FRAS1: variants seen among roughly 807,000 people sequenced by gnomAD.
The protein encoded by FRAS1 is Fraser extracellular matrix complex subunit 1.
A neutral mutation model predicts 435.2 loss-of-function variants in FRAS1; 290 were observed. The observed-to-expected ratio is 0.67, with a 90% confidence interval of 0.61 to 0.73. FRAS1 has a LOEUF of 0.73. Among genes scored for constraint, FRAS1 ranks in the 30% least tolerant of loss-of-function variants. The pLI is 0.00. For missense variants in FRAS1, 4,860 were observed against 5,001.5 expected (o/e 0.97, Z 0.85); for synonymous variants, 1,800 against 1,851.0 (o/e 0.97, Z 0.71).
At chr4:78,272,942 T>C (rs1726787736) in intron 9 of FRAS1, among the ~76,000 whole-genome samples, 1 of 152,230 alleles carries the variant, frequency 6.6e-6, no homozygotes, top group Non-Finnish European at 1.5e-5. Context: ...TTCCTATCCA[T>C]GAGCATGGAA....
chr4:78,274,047 G>A (rs557574543), intron 9 of FRAS1, among the ~76,000 whole-genome samples: 5 of 152,172 alleles, frequency 3.3e-5, no homozygotes, highest in Non-Finnish European at 7.4e-5. Context: ...TCTTGGGAGG[G>A]TGTATGTGTC....
At chr4:78,240,098 G>C (rs1237906860) in intron 3 of FRAS1, among the ~76,000 whole-genome samples, 1 of 152,086 alleles carries the variant, frequency 6.6e-6, no homozygotes, top group African/African-American at 2.4e-5. Flanking sequence ...GAGAGATGAG[G>C]CTAGAAAGTT....
chr4:78,472,123 TCTTG>T, intron 51 of FRAS1, 53 bp from the exon 52 acceptor site: 1 of 1,536,502 alleles, frequency 6.5e-7, no homozygotes, highest in South Asian at 1.1e-5. Context: ...AGTCAGAGGG[TCTTG>T]TTCCTGCTTT....
intron 9 of FRAS1, among the ~76,000 whole-genome samples, chr4:78,270,900 T>G (rs1466888042): frequency 1.3e-5 from 2 of 152,184 alleles, no homozygotes; most frequent in African/African-American, 4.8e-5. Context: ...ACATGAAATT[T>G]TGATGGACAG....
At chr4:78,287,120 G>A (rs553422275) in intron 14 of FRAS1, among the ~76,000 whole-genome samples, 2 of 152,160 alleles carry the variant, frequency 1.3e-5, no homozygotes, top group South Asian at 4.1e-4. Context: ...CAAAGGGGAA[G>A]CAAGATACGT....
At chr4:78,518,442 A>ATTTATTTATT (rs1195961402) in intron 66 of FRAS1, among the ~76,000 whole-genome samples, 1 of 66,878 alleles carries the variant, frequency 1.5e-5, no homozygotes, top group African/African-American at 4.6e-5. Context: ...ATATATATAT[A>ATTTATTTATT]TATATATATA....
chr4:78,320,387 C>G (rs1374178553), intron 18 of FRAS1, among the ~76,000 whole-genome samples: 1 of 152,128 alleles, frequency 6.6e-6, no homozygotes, highest in Non-Finnish European at 1.5e-5. Flanking sequence ...TGATGTGGCT[C>G]TTTCCTTAGG....
chr4:78,540,868 G>T lies in FRAS1; in HGVS notation c.11783G>T (p.Arg3928Met). Residue 3928 changes from arginine (R) to methionine (M), a missense_variant, in exon 74 of 74, where the codon AGG becomes ATG. By Grantham distance (91) the Arg-to-Met change is moderately conservative. Transcript: ENST00000512123. The part of the protein sequence containing the change: ...LVFLVACFIN[R>M]KCQKQRKKKP... ...TTTTTGGTGGCTTGTTTTATCAACA[G>T]GAAATGCCAGAAACAGAGGAAGAAG... 1 of 1,613,970 alleles carries T rather than the reference G, an allele frequency of 6.2e-7. No homozygotes were observed. Among genetic ancestry groups the T allele is most frequent in the South Asian group, 1.1e-5 (1 of 91,080 alleles).
intron 64 of FRAS1, among the ~76,000 whole-genome samples, 166 bp from the exon 65 acceptor site, chr4:78,513,226 A>G (rs1160375851): frequency 6.6e-6 from 1 of 152,206 alleles, no homozygotes; most frequent in African/African-American, 2.4e-5. Context: ...TACTATGTGT[A>G]TATGTATACC....
rs143503510 is a variant in FRAS1 at position 78,407,839 on chromosome 4, G to C, written c.4306G>C (p.Glu1436Gln). 18 of 1,592,556 alleles carry C rather than the reference G, an allele frequency of 1.1e-5. No homozygotes were observed. The East Asian group carries it at 3.9e-4, about 34-fold the overall frequency. ...AGCCCAGAGCGACTCCTTCCGCTTC[G>C]AGGTACCCTCTGCTTCCTGACTTTT... ...APAQSDSFRF[E>Q]VSSASNAQTR... Residue 1436 changes from glutamate to glutamine, a missense_variant and splice_region_variant, in exon 31 of 74, where the codon GAG (glutamate) becomes CAG (glutamine). By Grantham distance (29) the Glu-to-Gln change is conservative (BLOSUM62 2). Transcript: ENST00000512123.
chr4:78,432,213 T>C (rs193094571), intron 37 of FRAS1, 144 bp from the exon 38 acceptor site: 7 of 641,052 alleles, frequency 1.1e-5, no homozygotes, highest in Admixed American at 1.0e-4. Context: ...GGGAATCCTA[T>C]AGTAGGTGAG....
chr4:78,321,504 C>G (rs1446005307), intron 18 of FRAS1, among the ~76,000 whole-genome samples: 1 of 152,166 alleles, frequency 6.6e-6, no homozygotes, highest in Non-Finnish European at 1.5e-5. Flanking sequence ...ACATCCTTGA[C>G]AAAGGGAAGG....
chr4:78,303,497 A>T (rs1728533602), intron 14 of FRAS1, among the ~76,000 whole-genome samples: 1 of 152,156 alleles, frequency 6.6e-6, no homozygotes, highest in South Asian at 2.1e-4. Context: ...TGAGCATGGA[A>T]TGTTCTTCCA....
intron 2 of FRAS1, among the ~76,000 whole-genome samples, chr4:78,165,500 T>C (rs1034863540): frequency 9.2e-5 from 14 of 152,220 alleles, no homozygotes; most frequent in Non-Finnish European, 1.8e-4. Context: ...CCACTTACTC[T>C]TCTGTAAAAT....
chr4:78,409,819 T>A (rs780502229), intron 31 of FRAS1, among the ~76,000 whole-genome samples: 5 of 152,168 alleles, frequency 3.3e-5, no homozygotes, highest in Admixed American at 6.5e-5. Context: ...CAGGTGGGGC[T>A]GAACTCACCC....
At chr4:78,505,202 T>C (rs1369697051) in intron 61 of FRAS1, among the ~76,000 whole-genome samples, 1 of 152,176 alleles carries the variant, frequency 6.6e-6, no homozygotes, top group Non-Finnish European at 1.5e-5. Context: ...CAATTATGTG[T>C]TTTGGGGTTG....
intron 64 of FRAS1, among the ~76,000 whole-genome samples, chr4:78,511,818 C>G (rs972332031): frequency 7.2e-5 from 11 of 152,174 alleles, no homozygotes; most frequent in Admixed American, 1.3e-4. Context: ...CTCCCTAACC[C>G]CCTTCCACTG....
chr4:78,195,946 ACT>A (rs1722791797), intron 2 of FRAS1, among the ~76,000 whole-genome samples: 1 of 92,226 alleles, frequency 1.1e-5, no homozygotes, highest in Non-Finnish European at 2.6e-5. Flanking sequence ...TATTCTTATT[ACT>A]TTTTTTTTTT....
At position 78,333,316 on chromosome 4, in the gene FRAS1, A is replaced by G; in HGVS notation, c.2182A>G (p.Asn728Asp). The G allele has an allele frequency of 6.2e-7, 1 of 1,612,520 alleles. No individual in the cohort carries two copies. Among genetic ancestry groups the G allele is most frequent in the Non-Finnish European group, 8.5e-7 (1 of 1,179,332 alleles). ...CAGATGTGCAGGGAAAAGCCCACAT[A>G]ACTGCACAGACTGTGGGCCTTCCCA... is the stretch of plus-strand genomic sequence containing the variant. ...CFRCAGKSPH[N>D]CTDCGPSHVL... Residue 728 changes from asparagine to aspartate, a missense_variant, in exon 19 of 74, where the codon AAC becomes GAC. Transcript: ENST00000512123.
Sources: allele counts gnomAD v4.1 joint callset (sites outside exome capture counted in the v4.1 genomes callset), GRCh38; gene constraint gnomAD v4.1.1; transcripts MANE v1.5; gene names NCBI Gene and HGNC (gene_info 2026-07-23, HGNC 2026-07-21).